The following DNAJC1 variants were observed in gnomAD, a reference collection of about 807,000 sequenced individuals.
DNAJC1 encodes dnaJ homolog subfamily C member 1.
In DNAJC1, 58 loss-of-function variants were observed where a neutral mutation model predicts 76.6. The ratio of observed to expected loss-of-function variants is 0.76; its 90% CI spans 0.61 to 0.94. DNAJC1 has a LOEUF of 0.94. Ranked by LOEUF, DNAJC1 falls within the 40% of genes least tolerant of loss-of-function variation. DNAJC1 has a pLI of 0.00. For missense variants in DNAJC1, 689 were observed against 677.3 expected, an observed-to-expected ratio of 1.02 and a Z score of -0.19; for synonymous variants, 258 against 267.9, an observed-to-expected ratio of 0.96 and a Z score of 0.36.
intron 3 of DNAJC1, among the ~76,000 whole-genome samples, chr10:21,922,475 C>T (rs1398192003): frequency 1.3e-5 from 2 of 151,836 alleles, no homozygotes; most frequent in African/African-American, 4.8e-5. Flanking sequence ...GTGTAATATA[C>T]AAGAGTCTAC....
intron 9 of DNAJC1, among the ~76,000 whole-genome samples, chr10:21,798,666 T>C (rs1427345480): frequency 6.6e-6 from 1 of 152,200 alleles, no homozygotes; most frequent in Non-Finnish European, 1.5e-5. Flanking sequence ...TATTTTAAAA[T>C]GCAGCTCCAT....
intron 6 of DNAJC1, among the ~76,000 whole-genome samples, chr10:21,908,973 C>T (rs1836807792): frequency 6.6e-6 from 1 of 152,086 alleles, no homozygotes; most frequent in South Asian, 2.1e-4. Context: ...GCAACCTCCG[C>T]CTCCCGGGTT....
chr10:21,821,919 T>C (rs920948963), intron 8 of DNAJC1, among the ~76,000 whole-genome samples: 1 of 151,568 alleles, frequency 6.6e-6, no homozygotes, highest in African/African-American at 2.4e-5. Flanking sequence ...CACCGGTAAA[T>C]GGTATAGTGG....
At chr10:21,895,125 T>A (rs1836520193) in intron 7 of DNAJC1, among the ~76,000 whole-genome samples, 1 of 152,166 alleles carries the variant, frequency 6.6e-6, no homozygotes, top group African/African-American at 2.4e-5. Context: ...TAGAAGTGGC[T>A]TTGAAATTGG....
intron 1 of DNAJC1, among the ~76,000 whole-genome samples, chr10:21,987,321 C>T (rs1359524325): frequency 6.6e-6 from 1 of 152,048 alleles, no homozygotes; most frequent in Non-Finnish European, 1.5e-5. Context: ...CAGCTCTAAA[C>T]CTTTAAGCAC....
intron 1 of DNAJC1, among the ~76,000 whole-genome samples, chr10:21,988,390 A>T (rs4748775): frequency 0.63 from 96,383 of 151,996 alleles, 31,527 homozygotes; most frequent in East Asian, 0.98. Context: ...AATAATAATT[A>T]AAAAATCGAT....
At chr10:21,791,011 A>G (rs1346943499) in intron 9 of DNAJC1, among the ~76,000 whole-genome samples, 2 of 152,202 alleles carry the variant, frequency 1.3e-5, no homozygotes, top group African/African-American at 2.4e-5. Flanking sequence ...AGACACATAC[A>G]GACTGAAAGT....
chr10:21,785,156 AC>A (rs1455404104), intron 9 of DNAJC1: 1 of 152,234 alleles, frequency 6.6e-6, no homozygotes, highest in African/African-American at 2.4e-5. Context: ...AGCTTTGTGC[AC>A]TGGCAGTTTG....
Position 21,864,594 on chromosome 10 carries a change from C to T in DNAJC1, c.978+17688G>A, listed in dbSNP as rs141193445. ...CCGATATCACGCCACTGCACTCCAG[C>T]CTGGGCGACAGAGTGAGACTCTGTC... is the stretch of plus-strand genomic sequence containing the variant. On this transcript the variant is annotated intron_variant, in intron 8 of 11. Transcript: ENST00000376980. Among the ~76,000 whole-genome samples, 368 of 150,382 alleles carry T rather than the reference C, an allele frequency of 2.4e-3. 5 individuals are homozygous for T. Among genetic ancestry groups the T allele is most frequent in the African/African-American group, 8.3e-3 (338 of 40,488 alleles).
At chr10:21,931,940 T>A (rs1837231669) in intron 1 of DNAJC1, among the ~76,000 whole-genome samples, 1 of 152,342 alleles carries the variant, frequency 6.6e-6, no homozygotes, top group Non-Finnish European at 1.5e-5. Context: ...GATATGGCTC[T>A]TTGGCAAGCT....
intron 8 of DNAJC1, among the ~76,000 whole-genome samples, chr10:21,853,200 C>T (rs1835782998): frequency 1.3e-5 from 2 of 152,142 alleles, no homozygotes; most frequent in Admixed American, 1.3e-4. Context: ...CTACTCCTGC[C>T]ATGTTCCAGA....
chr10:21,901,339 CAT>C (rs1288647583), intron 7 of DNAJC1, among the ~76,000 whole-genome samples: 7 of 152,122 alleles, frequency 4.6e-5, no homozygotes, highest in Non-Finnish European at 7.4e-5. Context: ...GTAAGTCAAA[CAT>C]GTCTTTTTCT....
chr10:21,777,672 T>C (rs1049795551), intron 9 of DNAJC1, among the ~76,000 whole-genome samples: 1 of 152,252 alleles, frequency 6.6e-6, no homozygotes, highest in African/African-American at 2.4e-5. Flanking sequence ...AATCATGTTT[T>C]TGCTAAACCA....
chr10:21,884,185 G>A (rs1311435700), intron 7 of DNAJC1, among the ~76,000 whole-genome samples: 1 of 152,138 alleles, frequency 6.6e-6, no homozygotes, highest in Non-Finnish European at 1.5e-5. Flanking sequence ...ATCCAATTCA[G>A]AGTATAAACA....
intron 9 of DNAJC1, among the ~76,000 whole-genome samples, chr10:21,779,276 T>A (rs557902300): frequency 1.4e-4 from 22 of 152,256 alleles, no homozygotes; most frequent in Non-Finnish European, 2.9e-4. Flanking sequence ...GTTTGAGATA[T>A]GAAAACAGAC....
At chr10:21,923,756 A>AT (rs1837075852) in intron 3 of DNAJC1, among the ~76,000 whole-genome samples, 1 of 151,926 alleles carries the variant, frequency 6.6e-6, no homozygotes, top group Non-Finnish European at 1.5e-5. Flanking sequence ...TAATGGTTAC[A>AT]TACTCATTAG....
At chr10:21,885,171 A>G in intron 7 of DNAJC1, among the ~76,000 whole-genome samples, 1 of 152,166 alleles carries the variant, frequency 6.6e-6, no homozygotes, top group Middle Eastern at 3.2e-3. Context: ...AATGAAGGGA[A>G]AACTACCAAG....
intron 8 of DNAJC1, among the ~76,000 whole-genome samples, chr10:21,841,596 G>T (rs1357755701): frequency 1.3e-5 from 2 of 152,120 alleles, no homozygotes; most frequent in Admixed American, 1.3e-4. Context: ...TAAAAAGTCA[G>T]GAAACAACAG....
chr10:21,933,638 T>C (rs1023478401), intron 1 of DNAJC1, among the ~76,000 whole-genome samples: 1 of 152,238 alleles, frequency 6.6e-6, no homozygotes. Context: ...CACAGTCTAC[T>C]GGCAAACACT....
Sources: gnomAD v4.1 joint callset for allele counts (sites outside exome capture counted in the v4.1 genomes callset) on GRCh38, gnomAD v4.1.1 for gene constraint, MANE v1.5 for transcripts, NCBI Gene and HGNC (gene_info 2026-07-23, HGNC 2026-07-21) for gene names.